NIBAN1: variants seen among roughly 807,000 people sequenced by gnomAD.
The protein encoded by NIBAN1 is protein Niban 1.
In NIBAN1, 81 loss-of-function variants were observed where a neutral mutation model predicts 75.1. The ratio of observed to expected loss-of-function variants is 1.08; its 90% CI spans 0.90 to 1.30. The LOEUF is 1.30. Among genes scored for constraint, NIBAN1 ranks in the 50% most tolerant of loss-of-function variants. The probability of loss-of-function intolerance (pLI) is 0.00; values close to 1 mark genes in which losing one functional copy is unlikely to be tolerated. For synonymous variants in NIBAN1, 436 were observed against 424.8 expected, an observed-to-expected ratio of 1.03 and a Z score of -0.32; for missense variants, 1,133 against 1,128.1, an observed-to-expected ratio of 1.00 and a Z score of -0.06.
intron 5 of NIBAN1, among the ~76,000 whole-genome samples, chr1:184,864,210 G>A (rs234644): frequency 0.57 from 86,879 of 151,962 alleles, 25,610 homozygotes; most frequent in African/African-American, 0.73. Context: ...CAATAATGCT[G>A]TTTAACTAAA....
intron 7 of NIBAN1, 116 bp from the exon 8 acceptor site, chr1:184,823,445 A>G (rs1654758524): frequency 1.5e-6 from 2 of 1,377,844 alleles, no homozygotes; most frequent in Admixed American, 2.3e-5. Context: ...CTGCACACAC[A>G]TTGTAATTTT....
At position 184,970,374 on chromosome 1, in the gene NIBAN1, C is replaced by G. The variant is rs146190892; in HGVS notation, c.55+3928G>C. Among the ~76,000 whole-genome samples, 1,299 of 152,146 alleles carry G rather than the reference C, an allele frequency of 8.5e-3. 16 individuals are homozygous for G. Among genetic ancestry groups the G allele is most frequent in the South Asian group, 0.017 (83 of 4,824 alleles). The stretch of plus-strand genomic sequence containing the variant: ...CCATCTCCCACCAACAAATTATGAC[C>G]GAAGAAGCAAATGTGTGGACTAGTA... On this transcript the variant is annotated intron_variant, in intron 1 of 13. Coordinates refer to ENST00000367511, the MANE Select transcript of NIBAN1 (RefSeq NM_052966.4).
At chr1:184,802,665 G>A (rs766712643) in intron 12 of NIBAN1, among the ~76,000 whole-genome samples, 8 of 152,154 alleles carry the variant, frequency 5.3e-5, no homozygotes, top group Non-Finnish European at 7.4e-5. Flanking sequence ...GGATTTTAAC[G>A]TTCCAGTGCT....
chr1:184,949,795 AG>A (rs1333744659), intron 1 of NIBAN1, among the ~76,000 whole-genome samples: 1 of 152,188 alleles, frequency 6.6e-6, no homozygotes, highest in African/African-American at 2.4e-5. Flanking sequence ...AATCAAGTGA[AG>A]AATCTCAGAC....
At position 184,828,121 on chromosome 1, in the gene NIBAN1, A is replaced by C. The variant is rs181069988; in HGVS notation, c.717+3726T>G. On this transcript the variant is annotated intron_variant, in intron 6 of 13. Coordinates refer to ENST00000367511, the MANE Select transcript of NIBAN1 (RefSeq NM_052966.4). ...CCTCATGATCTCATTTGATATATTT[A>C]TATTGACAAGTAGAAAATATGTTGA... is the stretch of plus-strand genomic sequence containing the variant. Among the ~76,000 whole-genome samples, 118 of 152,314 alleles carry C rather than the reference A, an allele frequency of 7.7e-4. 1 individual carries two copies. The South Asian group carries it at 8.9e-3, about 11-fold the overall frequency.
chr1:184,934,905 A>C (rs1415449264), intron 1 of NIBAN1, among the ~76,000 whole-genome samples: 1 of 152,002 alleles, frequency 6.6e-6, no homozygotes, highest in Non-Finnish European at 1.5e-5. Flanking sequence ...AAAATAAATA[A>C]ATAAATAAAT....
intron 5 of NIBAN1, among the ~76,000 whole-genome samples, chr1:184,858,177 A>C (rs534657884): frequency 6.6e-6 from 1 of 152,256 alleles, no homozygotes; most frequent in Admixed American, 6.5e-5. Flanking sequence ...TTTTTAATGG[A>C]GATATAAAAA....
intron 1 of NIBAN1, among the ~76,000 whole-genome samples, chr1:184,920,133 T>A (rs1359148082): frequency 6.6e-6 from 1 of 152,038 alleles, no homozygotes; most frequent in Non-Finnish European, 1.5e-5. Context: ...CTACAAGACG[T>A]GTAAAAATGG....
At position 184,845,675 on chromosome 1, in the gene NIBAN1, C is replaced by G. The variant is rs1337321103; in HGVS notation, c.602-13713G>C. The stretch of plus-strand genomic sequence containing the variant: ...TCTACAGATCCCAGCGTAAGCGACG[C>G]AGAAGACGGGTGATTTCTGCATTTC... On this transcript the variant is annotated intron_variant, in intron 5 of 13. Coordinates refer to ENST00000367511, the MANE Select transcript of NIBAN1 (RefSeq NM_052966.4). Among the ~76,000 whole-genome samples, 5 of 31,764 alleles carry G rather than the reference C, an allele frequency of 1.6e-4. 1 individual carries two copies. The highest frequency in any genetic ancestry group is 9.4e-4 in the African/African-American group (5 of 5,322). 20.8% of individuals were successfully genotyped at this position (31,764 alleles called of 152,430 possible).
chr1:184,957,685 T>A (rs1658525309), intron 1 of NIBAN1, among the ~76,000 whole-genome samples: 1 of 152,192 alleles, frequency 6.6e-6, no homozygotes, highest in African/African-American at 2.4e-5. Context: ...TTTCTGACCC[T>A]CCTTTTCTCA....
At chr1:184,827,692 C>G (rs1166032200) in intron 6 of NIBAN1, among the ~76,000 whole-genome samples, 1 of 151,058 alleles carries the variant, frequency 6.6e-6, no homozygotes, top group Non-Finnish European at 1.5e-5. Context: ...TCAAAACCAA[C>G]AAACCCGGGA....
At chr1:184,906,289 GCA>G (rs55646396) in intron 1 of NIBAN1, among the ~76,000 whole-genome samples, 6 of 140,316 alleles carry the variant, frequency 4.3e-5, no homozygotes, top group Admixed American at 1.4e-4. Context: ...ACACACACAT[GCA>G]CACACACACA....
chr1:184,827,560 G>GTTTTTTTTTTTTTT lies in NIBAN1; in HGVS notation c.718-3832_718-3819dup, dbSNP rs58483276. 2.0e-3 allele frequency among the ~76,000 whole-genome samples: 238 copies of GTTTTTTTTTTTTTT among 117,662 alleles called. 10 individuals are homozygous for GTTTTTTTTTTTTTT. Among genetic ancestry groups the GTTTTTTTTTTTTTT allele is most frequent in the African/African-American group, 8.6e-3 (225 of 26,076 alleles). The allele number at this position is 117,662 out of a possible 152,430, so 77.2% of individuals were successfully genotyped here. On this transcript the variant is annotated intron_variant, in intron 6 of 13. Transcript: ENST00000367511. ...ACATAAGTGACCTAAAAATACTTCAGTTTTTTTTTTTTTTAATGGGGGGTG... is the reference window on the plus strand; with the variant it reads ...ACATAAGTGACCTAAAAATACTTCAGTTTTTTTTTTTTTTTTTTTTTTTTTTTTAATGGGGGGTG...
At chr1:184,972,866 GT>G (rs1380189321) in intron 1 of NIBAN1, among the ~76,000 whole-genome samples, 1 of 152,210 alleles carries the variant, frequency 6.6e-6, no homozygotes, top group African/African-American at 2.4e-5. Flanking sequence ...CAAATGATTA[GT>G]GTACTTGGCC....
intron 5 of NIBAN1, among the ~76,000 whole-genome samples, chr1:184,836,353 C>A (rs1655143089): frequency 6.6e-6 from 1 of 152,120 alleles, no homozygotes; most frequent in South Asian, 2.1e-4. Context: ...GTGAGTATGG[C>A]CAGATCTGCA....
At chr1:184,815,747 C>T (rs1654510536) in intron 9 of NIBAN1, among the ~76,000 whole-genome samples, 1 of 152,128 alleles carries the variant, frequency 6.6e-6, no homozygotes, top group Non-Finnish European at 1.5e-5. Context: ...TAGTGGTACA[C>T]ACGTTGCCTC....
At chr1:184,972,881 C>T (rs1027587571) in intron 1 of NIBAN1, among the ~76,000 whole-genome samples, 4 of 152,170 alleles carry the variant, frequency 2.6e-5, no homozygotes, top group Non-Finnish European at 2.9e-5. Context: ...CTTGGCCATG[C>T]GTCCACATTA....
At chr1:184,862,661 T>C (rs1655846402) in intron 5 of NIBAN1, among the ~76,000 whole-genome samples, 2 of 152,340 alleles carry the variant, frequency 1.3e-5, no homozygotes, top group South Asian at 4.1e-4. Flanking sequence ...AGTTGCCTGA[T>C]TTTATTTCTT....
intron 1 of NIBAN1, among the ~76,000 whole-genome samples, chr1:184,904,276 G>A (rs999992674): frequency 4.6e-5 from 7 of 151,978 alleles, no homozygotes; most frequent in East Asian, 1.9e-4. Context: ...TGATCCACCC[G>A]CCTCGACTCC....
Sources: gnomAD v4.1 joint callset for allele counts (sites outside exome capture counted in the v4.1 genomes callset) on GRCh38, gnomAD v4.1.1 for gene constraint, MANE v1.5 for transcripts, NCBI Gene and HGNC (gene_info 2026-07-23, HGNC 2026-07-21) for gene names.